Variants in GAS7 observed in about 807,000 individuals in gnomAD.
GAS7 encodes growth arrest specific 7, also known as growth arrest-specific protein 7.
A neutral mutation model predicts 71.1 loss-of-function variants in GAS7; 28 were observed. The observed-to-expected ratio is 0.39, with a 90% CI of 0.29 to 0.54. The LOEUF (loss-of-function observed/expected upper bound fraction) is 0.54, where lower values mean the gene tolerates loss of function less well. Among genes scored for constraint, GAS7 ranks in the 20% least tolerant of loss-of-function variants. The pLI is 0.62. For synonymous variants in GAS7, 258 were observed against 245.8 expected, an observed-to-expected ratio of 1.05 and a Z score of -0.46; for missense variants, 436 against 627.8, an observed-to-expected ratio of 0.69 and a Z score of 3.27.
At chr17:10,151,626 C>T (rs1205826131) in intron 1 of GAS7, among the ~76,000 whole-genome samples, 1 of 152,086 alleles carries the variant, frequency 6.6e-6, no homozygotes, top group Non-Finnish European at 1.5e-5. Flanking sequence ...CTCACTGCAA[C>T]CTTGACATCC....
At chr17:10,084,378 G>T (rs758268009) in intron 1 of GAS7, among the ~76,000 whole-genome samples, 2 of 152,092 alleles carry the variant, frequency 1.3e-5, no homozygotes, top group Non-Finnish European at 2.9e-5. Context: ...TGGTCCTGGC[G>T]TCTCTTTTTC....
intron 1 of GAS7, among the ~76,000 whole-genome samples, chr17:10,040,517 A>G (rs1362192539): frequency 6.6e-6 from 1 of 152,158 alleles, no homozygotes; most frequent in Non-Finnish European, 1.5e-5. Flanking sequence ...ACCAGGGTAT[A>G]AAAAGGTCAA....
chr17:9,921,300 G>C (rs970443820), intron 11 of GAS7, among the ~76,000 whole-genome samples: 1 of 151,838 alleles, frequency 6.6e-6, no homozygotes, highest in Non-Finnish European at 1.5e-5. Context: ...GGTACCACAG[G>C]CATGCGCCAC....
At chr17:10,115,130 T>G (rs2073848487) in intron 1 of GAS7, among the ~76,000 whole-genome samples, 1 of 152,218 alleles carries the variant, frequency 6.6e-6, no homozygotes, top group Admixed American at 6.5e-5. Context: ...TCTCCAGACC[T>G]AAATGTGGAA....
intron 11 of GAS7, among the ~76,000 whole-genome samples, chr17:9,922,599 C>T (rs565735525): frequency 1.3e-5 from 2 of 152,248 alleles, no homozygotes; most frequent in East Asian, 1.9e-4. Context: ...CTGTCACTTT[C>T]GTCACAAAAT....
rs2070081468 is a variant in GAS7, at chr17:9,974,032, C to T, written c.386-4270G>A. On this transcript the variant is annotated intron_variant, in intron 3 of 13. Coordinates refer to ENST00000432992, the MANE Select transcript of GAS7 (RefSeq NM_201433.2). The surrounding 1 kb of genome is among the most constrained non-coding windows in gnomAD (Gnocchi z 4.0). ...GCCCAGGTCCTGCCTCTCCTCTGCC[C>T]CAGTCTTTCCCCACACTTGCAGCCG... is the stretch of plus-strand genomic sequence containing the variant. 6.6e-6 allele frequency among the ~76,000 whole-genome samples: 1 copy of T among 152,068 alleles called. No homozygotes were observed. The highest frequency in any genetic ancestry group is 1.9e-4 in the East Asian group (1 of 5,196).
rs954576034 is a variant in GAS7 at position 9,915,317 on chromosome 17, G to C, written c.*1911C>G. On this transcript the variant is annotated 3_prime_UTR_variant, in exon 14 of 14. Transcript: ENST00000432992. ...TGAATGTTTGGAAATCATCCACAGA[G>C]TAGTTTACTAAGCCACAAAGCAATT... is the stretch of plus-strand genomic sequence containing the variant. The C allele has an allele frequency of 4.3e-6, 1 of 230,668 alleles. No individual in the cohort carries two copies. Among genetic ancestry groups the C allele is most frequent in the African/African-American group, 2.2e-5 (1 of 45,202 alleles). The allele number at this position is 230,668 out of a possible 1,614,324, so 14.3% of individuals were successfully genotyped here.
chr17:9,925,421 C>G (rs1205319529), intron 11 of GAS7, 55 bp downstream of exon 11: 5 of 1,588,960 alleles, frequency 3.1e-6, no homozygotes, highest in Non-Finnish European at 4.3e-6. Flanking sequence ...CTCCTAGCCC[C>G]GTGCCCTCTC....
chr17:10,134,923 C>T (rs536753965), intron 1 of GAS7, among the ~76,000 whole-genome samples: 2 of 152,044 alleles, frequency 1.3e-5, no homozygotes, highest in Admixed American at 6.5e-5. Context: ...ACCTCCGGCT[C>T]CCAAGTTCAA....
At chr17:10,180,958 G>A (rs1211284106) in intron 1 of GAS7, among the ~76,000 whole-genome samples, 5 of 151,192 alleles carry the variant, frequency 3.3e-5, no homozygotes, top group African/African-American at 4.9e-5. Flanking sequence ...CAATCCTTGA[G>A]CTCAAGGATT....
At chr17:10,039,030 G>C (rs146610236) in intron 1 of GAS7, among the ~76,000 whole-genome samples, 1 of 152,128 alleles carries the variant, frequency 6.6e-6, no homozygotes, top group South Asian at 2.1e-4. Flanking sequence ...GAGGTGACCA[G>C]GTGCTGTGGG....
intron 3 of GAS7, among the ~76,000 whole-genome samples, chr17:9,975,444 C>T (rs773730772): frequency 5.3e-5 from 8 of 150,908 alleles, no homozygotes; most frequent in Non-Finnish European, 8.8e-5. Flanking sequence ...TCCTCTTCCC[C>T]TCTCTTCTTC....
At chr17:9,958,060 C>T (rs1242927050) in intron 5 of GAS7, among the ~76,000 whole-genome samples, 1 of 152,142 alleles carries the variant, frequency 6.6e-6, no homozygotes, top group Non-Finnish European at 1.5e-5. Flanking sequence ...TGGATGGACC[C>T]ATTTAGTCCC....
chr17:9,931,439 TC>T (rs1183060665), intron 9 of GAS7, among the ~76,000 whole-genome samples: 2 of 151,968 alleles, frequency 1.3e-5, no homozygotes, highest in Non-Finnish European at 2.9e-5. Flanking sequence ...AGGTGACCTT[TC>T]CAAAGCTCGC....
chr17:9,999,415 G>T (rs886136794), intron 2 of GAS7, among the ~76,000 whole-genome samples: 1 of 152,146 alleles, frequency 6.6e-6, no homozygotes, highest in East Asian at 1.9e-4. Flanking sequence ...TTACTTGGGA[G>T]GCTGAGGCAG....
At chr17:10,152,655 T>C (rs1272160630) in intron 1 of GAS7, among the ~76,000 whole-genome samples, 1 of 152,156 alleles carries the variant, frequency 6.6e-6, no homozygotes, top group African/African-American at 2.4e-5. Context: ...GAGAGCAAGA[T>C]GGCAGAGGAG....
rs1044776801 is a variant in GAS7 at position 10,137,179 on chromosome 17, G to A, written c.183+61029C>T. 6.6e-5 allele frequency among the ~76,000 whole-genome samples: 10 copies of A among 152,096 alleles called. No individual in the cohort carries two copies. The South Asian group carries it at 2.1e-3, about 32-fold the overall frequency. On this transcript the variant is annotated intron_variant, in intron 1 of 13. Coordinates refer to ENST00000432992, the MANE Select transcript of GAS7 (RefSeq NM_201433.2). ...CCTCTCCTACCTGCTCACCCAACTCGAGCTTCGTGGGCATCACCGCCATTC... is the reference window on the plus strand; with the variant it reads ...CCTCTCCTACCTGCTCACCCAACTCAAGCTTCGTGGGCATCACCGCCATTC...
chr17:10,131,789 G>T (rs35330315), intron 1 of GAS7, among the ~76,000 whole-genome samples: 22,317 of 152,036 alleles, frequency 0.15, 1,715 homozygotes, highest in Middle Eastern at 0.25. Flanking sequence ...ATGAAAACAT[G>T]TACTCATGAA....
intron 2 of GAS7, among the ~76,000 whole-genome samples, chr17:10,004,034 G>C (rs2152171618): frequency 6.6e-6 from 1 of 152,336 alleles, no homozygotes; most frequent in East Asian, 1.9e-4. Flanking sequence ...TGGGTGATGA[G>C]CTCGTAGGAG....
Sources: allele counts gnomAD v4.1 joint callset (sites outside exome capture counted in the v4.1 genomes callset), GRCh38; gene constraint gnomAD v4.1.1; non-coding constraint Gnocchi (gnomAD v3.1); transcripts MANE v1.5; gene names NCBI Gene and HGNC (gene_info 2026-07-23, HGNC 2026-07-21).